OR4E2: variants seen among roughly 807,000 people sequenced by gnomAD.
OR4E2 encodes olfactory receptor family 4 subfamily E member 2, also known as olfactory receptor 4E2.
OR4E2 carries 9 observed loss-of-function variants against 11.0 expected under a neutral mutation model. The ratio of observed to expected loss-of-function variants is 0.82; its 90% confidence interval spans 0.49 to 1.43. The LOEUF (loss-of-function observed/expected upper bound fraction) is 1.43. OR4E2 is among the 40% of genes most tolerant of loss of function. The probability of loss-of-function intolerance (pLI) is 0.00; values close to 1 mark genes in which losing one functional copy is unlikely to be tolerated. For synonymous variants in OR4E2, 159 were observed against 147.3 expected, an observed-to-expected ratio of 1.08 and a Z score of -0.57; for missense variants, 441 against 382.0, an observed-to-expected ratio of 1.15 and a Z score of -1.29.
chr14:21,664,952 G>C (rs908726893), intron 3 of OR4E2, 123 bp from the exon 4 acceptor site: 2 of 625,162 alleles, frequency 3.2e-6, no homozygotes, highest in African/African-American at 3.7e-5. Context: ...CTGTTAAATT[G>C]ATTTCATAAG....
intron 3 of OR4E2, among the ~76,000 whole-genome samples, chr14:21,664,792 A>G (rs1158587379): frequency 6.6e-6 from 1 of 152,176 alleles, no homozygotes; most frequent in Non-Finnish European, 1.5e-5. Flanking sequence ...ACTAATGTGT[A>G]AGGTTTCGGG....
At chr14:21,664,977 G>A (rs1594550333) in intron 3 of OR4E2, 98 bp from the exon 4 acceptor site, 1 of 679,374 alleles carries the variant, frequency 1.5e-6, no homozygotes, top group East Asian at 2.7e-5. Flanking sequence ...ATGCTCTGAT[G>A]ATAAATAAGC....
At chr14:21,658,601 G>A (rs1880143361) in intron 2 of OR4E2, among the ~76,000 whole-genome samples, 1 of 152,142 alleles carries the variant, frequency 6.6e-6, no homozygotes, top group South Asian at 2.1e-4. Context: ...TTGATGAAAA[G>A]TAAAGATGAG....
intron 2 of OR4E2, among the ~76,000 whole-genome samples, chr14:21,657,443 CCTTCCTTCCTTCCTTCCTTCCT>C (rs1880048433): frequency 3.4e-4 from 1 of 2,978 alleles, no homozygotes; most frequent in African/African-American, 1.1e-3. Flanking sequence ...TTCTTTCTTT[CCTTCCTTCCTTCCTTCCTTCCT>C]TCCTTCCTTC....
intron 3 of OR4E2, among the ~76,000 whole-genome samples, chr14:21,664,459 C>A (rs1264633310): frequency 6.6e-6 from 1 of 151,842 alleles, no homozygotes; most frequent in East Asian, 1.9e-4. Flanking sequence ...TAATAGTAAA[C>A]AATGAGGTGA....
chr14:21,660,036 AG>A (rs1166031820), intron 2 of OR4E2, among the ~76,000 whole-genome samples: 1 of 152,132 alleles, frequency 6.6e-6, no homozygotes, highest in Non-Finnish European at 1.5e-5. Flanking sequence ...CAAGGGGGTG[AG>A]GGAGTTAATT....
chr14:21,658,858 A>G (rs1394086915), intron 2 of OR4E2, among the ~76,000 whole-genome samples: 3 of 152,002 alleles, frequency 2.0e-5, no homozygotes, highest in Non-Finnish European at 4.4e-5. Context: ...ACAATACACA[A>G]TACTGATGTC....
At chr14:21,657,418 CTT>C (rs1880030780) in intron 2 of OR4E2, among the ~76,000 whole-genome samples, 2 of 129,056 alleles carry the variant, frequency 1.5e-5, no homozygotes, top group African/African-American at 5.8e-5. Context: ...TTCTTTCTTT[CTT>C]TCTCTTTCTT....
chr14:21,658,004 G>A (rs867328510), intron 2 of OR4E2, among the ~76,000 whole-genome samples: 13 of 151,908 alleles, frequency 8.6e-5, no homozygotes, highest in Admixed American at 2.0e-4. Context: ...TTCTTTCCCA[G>A]TTTTAGTTGG....
intron 2 of OR4E2, among the ~76,000 whole-genome samples, chr14:21,657,533 CTT>C: frequency 7.0e-6 from 1 of 142,088 alleles, no homozygotes; most frequent in Non-Finnish European, 1.5e-5. Context: ...TTCTTTCTTT[CTT>C]TCTTTCTTTT....
chr14:21,665,089 A>C lies in OR4E2; in HGVS notation c.7A>C (p.Ser3Arg). The C allele has an allele frequency of 1.3e-6, 2 of 1,591,006 alleles. No homozygotes were observed. Among genetic ancestry groups the C allele is most frequent in the Non-Finnish European group, 1.7e-6 (2 of 1,164,836 alleles). Residue 3 changes from serine (S) to arginine (R), a missense_variant, in exon 4 of 4, where the codon AGT becomes CGT. Ser to Arg is a moderately radical substitution (Grantham distance 110). Transcript: ENST00000641524. Reference sequence around the variant, plus strand: ...TCCCCCCTAAGCTCATTGAATGGACAGTCTAAACCAAACAAGAGTGACTGA... The same window carrying C: ...TCCCCCCTAAGCTCATTGAATGGACCGTCTAAACCAAACAAGAGTGACTGA... Reference protein sequence around the residue: MDSLNQTRVTEFV... With the variant: MDRLNQTRVTEFV...
chr14:21,665,216 T>A lies in OR4E2; in HGVS notation c.134T>A (p.Ile45Asn). The A allele has an allele frequency of 6.2e-7, 1 of 1,614,086 alleles. No individual in the cohort carries two copies. The highest frequency in any genetic ancestry group is 1.7e-5 in the Admixed American group (1 of 60,026). ...CTAACGCTTTCGGGGAACATTCTCA[T>A]CATCATTGCCACAGTCTTTACTCCA... ...YMLTLSGNIL[I>N]IIATVFTPSL... Residue 45 changes from isoleucine (I) to asparagine (N), a missense_variant, in exon 4 of 4, where the codon ATC becomes AAC. Coordinates refer to ENST00000641524, the MANE Select transcript of OR4E2 (RefSeq NM_001001912.3).
At position 21,665,780 on chromosome 14, in the gene OR4E2, G is replaced by A. The variant is rs200419591; in HGVS notation, c.698G>A (p.Arg233His). 6.4e-5 allele frequency: 104 copies of A among 1,613,890 alleles called. No individual in the cohort carries two copies. The highest frequency in any genetic ancestry group is 5.4e-4 in the South Asian group (49 of 91,044). The change falls in exon 4 of 4, where the codon CGC becomes CAC. Residue 233 changes from arginine (R) to histidine (H), a missense_variant. Transcript: ENST00000641524. ...VSLRKHSAEGRRKALSTCSAH... is the reference protein window; with the variant it reads ...VSLRKHSAEGHRKALSTCSAH... ...CTTCGAAAACACTCAGCTGAAGGGC[G>A]CCGGAAAGCCCTGTCTACCTGCTCG... is the stretch of plus-strand genomic sequence containing the variant.
chr14:21,657,796 G>T (rs1880094279), intron 2 of OR4E2, among the ~76,000 whole-genome samples: 1 of 151,900 alleles, frequency 6.6e-6, no homozygotes, highest in Admixed American at 6.6e-5. Context: ...CTCCATGTTG[G>T]CCAGGCTGGT....
chr14:21,664,553 G>A (rs528487867), intron 3 of OR4E2, among the ~76,000 whole-genome samples: 1 of 152,320 alleles, frequency 6.6e-6, no homozygotes, highest in South Asian at 2.1e-4. Context: ...AGGTAAGTAG[G>A]TGGAGGTAGG....
At chr14:21,664,082 T>A (rs1170949246) in intron 3 of OR4E2, among the ~76,000 whole-genome samples, 1 of 152,378 alleles carries the variant, frequency 6.6e-6, no homozygotes, top group African/African-American at 2.4e-5. Flanking sequence ...TGTATCTTTA[T>A]AATTGAATAA....
In OR4E2 at chr14:21,665,276, A is replaced by G; in HGVS notation, c.194A>G (p.Asn65Ser). The change falls in exon 4 of 4, where the codon AAT (asparagine) becomes AGT (serine). Residue 65 changes from asparagine to serine, a missense_variant. Asn to Ser is a conservative substitution (Grantham distance 46). Coordinates refer to ENST00000641524, the MANE Select transcript of OR4E2 (RefSeq NM_001001912.3). ...LHTPMYFFLSNLSFIDICHSS... is the reference protein window; with the variant it reads ...LHTPMYFFLSSLSFIDICHSS... ...ACCCCCATGTATTTCTTCCTGAGCA[A>G]TCTGTCCTTTATTGACATCTGCCAC... 6.2e-7 allele frequency: 1 copy of G among 1,614,106 alleles called. No individual in the cohort carries two copies. Among genetic ancestry groups the G allele is most frequent in the Non-Finnish European group, 8.5e-7 (1 of 1,180,006 alleles).
chr14:21,654,402 G>GCA (rs1289943118), intron 1 of OR4E2, among the ~76,000 whole-genome samples: 8 of 118,690 alleles, frequency 6.7e-5, no homozygotes, highest in African/African-American at 2.1e-4. Context: ...ACACACGCAT[G>GCA]CACACACACA....
chr14:21,666,495 A>G lies in OR4E2; in HGVS notation c.*471A>G, dbSNP rs1880657920. 6.6e-6 allele frequency: 1 copy of G among 152,372 alleles called. No individual in the cohort carries two copies. The highest frequency in any genetic ancestry group is 1.5e-5 in the Non-Finnish European group (1 of 68,208). 9.4% of individuals were successfully genotyped at this position (152,372 alleles called of 1,614,324 possible). A position where few individuals can be genotyped will look rare whatever the true frequency, so the allele number is the denominator to read the frequency against. On this transcript the variant is annotated 3_prime_UTR_variant, in exon 4 of 4. Coordinates refer to ENST00000641524, the MANE Select transcript of OR4E2 (RefSeq NM_001001912.3). The stretch of plus-strand genomic sequence containing the variant: ...TATAAATAAGCCTTTACTTATTTAT[A>G]TTGAATTAAACTTTTGTTGCTTTTG...
Sources: gnomAD v4.1 joint callset for allele counts (sites outside exome capture counted in the v4.1 genomes callset) on GRCh38, gnomAD v4.1.1 for gene constraint, MANE v1.5 for transcripts, NCBI Gene and HGNC (gene_info 2026-07-23, HGNC 2026-07-21) for gene names.